Variants in CDC14B observed in about 807,000 individuals in gnomAD.
The protein encoded by CDC14B is dual specificity protein phosphatase CDC14B.
Under a neutral mutation model 64.2 loss-of-function variants are expected in CDC14B, and 22 were observed. That is an observed-to-expected ratio of 0.34 (90% CI 0.24 to 0.49). The LOEUF is 0.49. Ranked by LOEUF, CDC14B falls within the 20% of genes least tolerant of loss-of-function variation. CDC14B has a pLI of 0.99. For missense variants in CDC14B, 498 were observed against 629.9 expected (o/e 0.79, Z 2.24); for synonymous variants, 191 against 215.8 (o/e 0.89, Z 1.01).
chr9:96,612,622 A>C (rs1847392687), intron 1 of CDC14B, among the ~76,000 whole-genome samples: 1 of 152,188 alleles, frequency 6.6e-6, no homozygotes, highest in African/African-American at 2.4e-5. Context: ...GCTCTTCAAA[A>C]ACTCTTTGAT....
intron 12 of CDC14B, among the ~76,000 whole-genome samples, chr9:96,520,853 C>T (rs998189709): frequency 2.0e-5 from 3 of 150,110 alleles, no homozygotes; most frequent in Admixed American, 1.3e-4. Context: ...AACAAGCGCC[C>T]GGGTGCCTCC....
intron 1 of CDC14B, among the ~76,000 whole-genome samples, chr9:96,575,555 T>C (rs953265075): frequency 2.0e-5 from 3 of 151,988 alleles, no homozygotes; most frequent in Non-Finnish European, 4.4e-5. Context: ...ACTAAGAAAA[T>C]TGAGCAAGCC....
At chr9:96,561,530 G>A (rs894557839) in intron 4 of CDC14B, among the ~76,000 whole-genome samples, 1 of 152,164 alleles carries the variant, frequency 6.6e-6, no homozygotes, top group African/African-American at 2.4e-5. Context: ...CCAGGCTGGA[G>A]TGCAGTGGCG....
intron 1 of CDC14B, among the ~76,000 whole-genome samples, chr9:96,592,838 TATA>T (rs1370831673): frequency 6.6e-6 from 1 of 152,160 alleles, no homozygotes. Flanking sequence ...TTATAAGGGC[TATA>T]ATAAGATAAA....
intron 1 of CDC14B, among the ~76,000 whole-genome samples, chr9:96,606,526 T>TG (rs1491317753): frequency 3.3e-4 from 41 of 123,172 alleles, no homozygotes; most frequent in South Asian, 1.6e-3. Context: ...CTACTAAAAG[T>TG]TTGTGTGTGT....
intron 1 of CDC14B, among the ~76,000 whole-genome samples, chr9:96,591,136 T>A (rs1015683631): frequency 3.3e-5 from 5 of 152,238 alleles, no homozygotes; most frequent in Non-Finnish European, 7.3e-5. Context: ...TTTCTGCTTA[T>A]GCTGCCTGTG....
intron 1 of CDC14B, among the ~76,000 whole-genome samples, chr9:96,591,641 A>G (rs1845799214): frequency 6.6e-6 from 1 of 152,072 alleles, no homozygotes; most frequent in Admixed American, 6.5e-5. Flanking sequence ...TTTGATAGGG[A>G]CTGCATTCAA....
exon 14 of CDC14B, chr9:96,492,947 A>T (rs1173370353): frequency 6.6e-6 from 1 of 152,222 alleles, no homozygotes; most frequent in Non-Finnish European, 1.5e-5. Context: ...GTTGCTCATG[A>T]GCCTTTGGCG....
chr9:96,565,223 G>GTT (rs374778529), intron 2 of CDC14B, among the ~76,000 whole-genome samples, 170 bp downstream of exon 2: 117 of 141,536 alleles, frequency 8.3e-4, no homozygotes, highest in African/African-American at 2.4e-3. Flanking sequence ...ATTTAGGGAG[G>GTT]TTTTTTTTTT....
Position 96,503,801 on chromosome 9 carries a change from A to G in CDC14B, c.1461-12T>C, listed in dbSNP as rs747875791. 16 of 1,611,156 alleles carry G rather than the reference A, an allele frequency of 9.9e-6. No individual in the cohort carries two copies. In the Admixed American group the frequency reaches 2.0e-4, roughly 20 times the overall value. On this transcript the variant is annotated splice_polypyrimidine_tract_variant and intron_variant, in intron 13 of 13. Coordinates refer to ENST00000375241, the MANE Select transcript of CDC14B (RefSeq NM_033331.4). Reference sequence around the variant, plus strand: ...TTGAAATGGAGAGACTACAGGGGGAAAAAAAAGGATTTTTACCAGAAAGTT... The same window carrying G: ...TTGAAATGGAGAGACTACAGGGGGAGAAAAAAGGATTTTTACCAGAAAGTT...
chr9:96,513,567 C>G (rs1448256077), intron 12 of CDC14B, among the ~76,000 whole-genome samples: 1 of 152,202 alleles, frequency 6.6e-6, no homozygotes, highest in East Asian at 1.9e-4. Context: ...ATCCTTGGAG[C>G]CTCGGTACTC....
At chr9:96,601,671 C>T (rs1331196633) in intron 1 of CDC14B, among the ~76,000 whole-genome samples, 1 of 145,746 alleles carries the variant, frequency 6.9e-6, no homozygotes. Flanking sequence ...CAGGCGCCTG[C>T]AGTCCCAGCT....
At chr9:96,535,363 T>C (rs905354334) in intron 7 of CDC14B, among the ~76,000 whole-genome samples, 5 of 152,180 alleles carry the variant, frequency 3.3e-5, no homozygotes, top group Admixed American at 3.3e-4. Flanking sequence ...ACCAGGAAAC[T>C]AAAAAATTAC....
chr9:96,549,727 G>A (rs977189114), intron 5 of CDC14B, among the ~76,000 whole-genome samples: 2 of 152,032 alleles, frequency 1.3e-5, no homozygotes, highest in African/African-American at 4.8e-5. Context: ...CAATAGAAGA[G>A]ATTCAAATTC....
chr9:96,559,267 C>T (rs1338353080), intron 4 of CDC14B, among the ~76,000 whole-genome samples: 1 of 152,146 alleles, frequency 6.6e-6, no homozygotes, highest in Non-Finnish European at 1.5e-5. Context: ...TTTCAGAAGC[C>T]CTGAATTCAA....
chr9:96,609,464 A>G (rs867444289), intron 1 of CDC14B, among the ~76,000 whole-genome samples: 7 of 152,310 alleles, frequency 4.6e-5, no homozygotes, highest in African/African-American at 1.4e-4. Flanking sequence ...AAATCTTCAC[A>G]TCCCTTGCCC....
At position 96,509,665 on chromosome 9, in the gene CDC14B, T is replaced by C; in HGVS notation, c.1460+8A>G. On this transcript the variant is annotated splice_region_variant and intron_variant, in intron 13 of 13. Coordinates refer to ENST00000375241, the MANE Select transcript of CDC14B (RefSeq NM_033331.4). ...CAACTTTTCAGAAGAGTAGGATTCT[T>C]TTCTCACCTTTTAACACTGCTTTTC... 6.5e-7 allele frequency: 1 copy of C among 1,535,706 alleles called. No individual in the cohort carries two copies. Among genetic ancestry groups the C allele is most frequent in the Admixed American group, 1.7e-5 (1 of 59,726 alleles).
chr9:96,601,562 G>A (rs971600092), intron 1 of CDC14B, among the ~76,000 whole-genome samples: 3 of 149,814 alleles, frequency 2.0e-5, no homozygotes, highest in Admixed American at 6.7e-5. Context: ...TTGGGAGGCC[G>A]AGGCGGCAGA....
At chr9:96,566,627 G>T in intron 1 of CDC14B, 1 of 762,684 alleles carries the variant, frequency 1.3e-6, no homozygotes, top group Non-Finnish European at 2.2e-6. Context: ...AGAGCCTGGG[G>T]ACAAGTGCCG....
Sources: gnomAD v4.1 joint callset for allele counts (sites outside exome capture counted in the v4.1 genomes callset) on GRCh38, gnomAD v4.1.1 for gene constraint, MANE v1.5 for transcripts, NCBI Gene and HGNC (gene_info 2026-07-23, HGNC 2026-07-21) for gene names.